The following PRDX1 variants were observed in gnomAD, a reference collection of about 807,000 sequenced individuals.
The protein encoded by PRDX1 is peroxiredoxin-1.
Under a neutral mutation model 20.7 loss-of-function variants are expected in PRDX1, and 19 were observed. The observed-to-expected ratio is 0.92, with a 90% CI of 0.64 to 1.35. PRDX1 has a LOEUF of 1.35. Ranked by LOEUF, PRDX1 falls within the 40% of genes most tolerant of loss-of-function variation. PRDX1 has a pLI of 0.00. For missense variants in PRDX1, 226 were observed against 240.0 expected, an observed-to-expected ratio of 0.94 and a Z score of 0.38; for synonymous variants, 89 against 83.9, an observed-to-expected ratio of 1.06 and a Z score of -0.33.
At chr1:45,519,509 A>C (rs1643889341) in intron 1 of PRDX1, among the ~76,000 whole-genome samples, 1 of 152,234 alleles carries the variant, frequency 6.6e-6, no homozygotes, top group Admixed American at 6.5e-5. Context: ...CCTTCATAAC[A>C]TCAGAAGCAT....
At chr1:45,516,848 A>C (rs538103310) in intron 2 of PRDX1, among the ~76,000 whole-genome samples, 5 of 151,936 alleles carry the variant, frequency 3.3e-5, no homozygotes, top group African/African-American at 1.2e-4. Context: ...ATGGTAAAAC[A>C]TGTCTCTACT....
intron 4 of PRDX1, 112 bp downstream of exon 4, chr1:45,514,761 G>A (rs542398320): frequency 6.4e-7 from 1 of 1,565,894 alleles, no homozygotes; most frequent in African/African-American, 1.4e-5. Context: ...GCCTTAGTGA[G>A]GAGGCCCCTG....
Position 45,514,554 on chromosome 1 carries a change from G to A in PRDX1, c.467C>T (p.Thr156Ile), listed in dbSNP as rs963576435. Residue 156 changes from threonine (T) to isoleucine (I), a missense_variant, in exon 5 of 6, where the codon ACT becomes ATT. Physicochemically the swap from Thr to Ile is moderately conservative, Grantham distance 89. Transcript: ENST00000319248. ...CTGGAAGGCCTGAACTAGTCTCAAA[G>A]TCTCATCCACAGAGCGGCCAACAGG... Reference protein sequence around the residue: ...DLPVGRSVDETLRLVQAFQFT... With the variant: ...DLPVGRSVDEILRLVQAFQFT... 1 of 1,614,012 alleles carries A rather than the reference G, an allele frequency of 6.2e-7. No individual in the cohort carries two copies.
At chr1:45,518,418 G>T (rs1401641413) in intron 2 of PRDX1, among the ~76,000 whole-genome samples, 1 of 126,772 alleles carries the variant, frequency 7.9e-6, no homozygotes, top group African/African-American at 3.1e-5. Context: ...GGTGAGCCGA[G>T]ATCACGCCAT....
Position 45,511,370 on chromosome 1 carries a change from C to A in PRDX1, c.559G>T (p.Asp187Tyr). ...AAATATTCTTTGCTCTTTTGGACAT[C>A]AGGCTTGATGGTATCACTGCCAGGT... ...WKPGSDTIKP[D>Y]VQKSKEYFSK... The change falls in exon 6 of 6, where the codon GAT becomes TAT. Residue 187 changes from aspartate (D) to tyrosine (Y), a missense_variant. Asp to Tyr is a radical substitution (Grantham distance 160, BLOSUM62 -3). Coordinates refer to ENST00000319248, the MANE Select transcript of PRDX1 (RefSeq NM_181697.3). 3 of 1,613,182 alleles carry A rather than the reference C, an allele frequency of 1.9e-6. No homozygotes were observed. The highest frequency in any genetic ancestry group is 1.7e-6 in the Non-Finnish European group (2 of 1,179,670).
At chr1:45,519,092 T>C (rs1479206538) in intron 1 of PRDX1, 38 bp from the exon 2 acceptor site, 1 of 1,429,586 alleles carries the variant, frequency 7.0e-7, no homozygotes, top group Non-Finnish European at 9.7e-7. Context: ...CAAGCCTTAA[T>C]TTTCTACATA....
Position 45,514,899 on chromosome 1 carries a change from T to C in PRDX1, c.357A>G (p.Leu119=). The C allele has an allele frequency of 6.2e-7, 1 of 1,614,186 alleles. No homozygotes were observed. Among genetic ancestry groups the C allele is most frequent in the South Asian group, 1.1e-5 (1 of 91,084 alleles). Residue 119 remains leucine, a synonymous_variant, in exon 4 of 6, where the codon TTA becomes TTG. Coordinates refer to ENST00000319248, the MANE Select transcript of PRDX1 (RefSeq NM_181697.3). ...TGAACGAGATGCCTTCATCAGCCTTTAAGACCCCATAATCCTGAGCAATGG... is the reference window on the plus strand; with the variant it reads ...TGAACGAGATGCCTTCATCAGCCTTCAAGACCCCATAATCCTGAGCAATGG... ...KRTIAQDYGV[L]KADEGISFRG... is the part of the protein sequence containing the mutation.
At position 45,515,009 on chromosome 1, in the gene PRDX1, C is replaced by CA; in HGVS notation, c.261-15dup. On this transcript the variant is annotated splice_polypyrimidine_tract_variant and intron_variant, in intron 3 of 5. Coordinates refer to ENST00000319248, the MANE Select transcript of PRDX1 (RefSeq NM_181697.3). ...GGTGTATTGACCCTATGGCAAAAGGCAAACATACAGTTACATTCAAACTCT... is the reference window on the plus strand; with the variant it reads ...GGTGTATTGACCCTATGGCAAAAGGCAAAACATACAGTTACATTCAAACTCT... 6.2e-7 allele frequency: 1 copy of CA among 1,613,672 alleles called. No individual in the cohort carries two copies. The highest frequency in any genetic ancestry group is 8.5e-7 in the Non-Finnish European group (1 of 1,179,826).
At chr1:45,516,805 T>C (rs886974992) in intron 2 of PRDX1, among the ~76,000 whole-genome samples, 3 of 152,000 alleles carry the variant, frequency 2.0e-5, no homozygotes, top group African/African-American at 7.2e-5. Flanking sequence ...GTGGATCACC[T>C]GAGGTCAGGA....
chr1:45,519,665 G>A (rs1006064324), intron 1 of PRDX1, among the ~76,000 whole-genome samples: 3 of 152,044 alleles, frequency 2.0e-5, no homozygotes, highest in Admixed American at 6.5e-5. Context: ...GCATTATCTC[G>A]GCTCACTGCA....
chr1:45,512,069 CTTTTTTTTTTTTTTTTT>C lies in PRDX1; in HGVS notation c.515-672_515-656del. 6 of 66,922 alleles carry C rather than the reference CTTTTTTTTTTTTTTTTT, an allele frequency of 9.0e-5. 1 individual carries two copies. The Middle Eastern group carries it at 0.071, about 797-fold the overall frequency. The allele number at this position is 66,922 out of a possible 1,614,324, so 4.1% of individuals were successfully genotyped here. On this transcript the variant is annotated intron_variant, in intron 5 of 5. Transcript: ENST00000319248. ...GCAAGGGGACTAATCTCTTATTTTT[CTTTTTTTTTTTTTTTTT>C]TTTTTTTTTTGAGATGGAGTCTCCC...
In PRDX1 at chr1:45,514,991, T is replaced by A. The variant is rs565457695; in HGVS notation, c.265A>T (p.Asn89Tyr). 2.5e-6 allele frequency: 4 copies of A among 1,614,186 alleles called. No individual in the cohort carries two copies. In the South Asian group the frequency reaches 4.4e-5, roughly 18 times the overall value. Residue 89 changes from asparagine (N) to tyrosine (Y), a missense_variant, in exon 4 of 6, where the codon AAT (asparagine) becomes TAT (tyrosine). Transcript: ENST00000319248. ...DSHFCHLAWV[N>Y]TPKKQGGLGP... The stretch of plus-strand genomic sequence containing the variant: ...AGTCCTCCTTGTTTCTTAGGTGTAT[T>A]GACCCTATGGCAAAAGGCAAACATA...
chr1:45,520,252 A>T (rs1259120947), intron 1 of PRDX1, among the ~76,000 whole-genome samples: 1 of 150,178 alleles, frequency 6.7e-6, no homozygotes, highest in Non-Finnish European at 1.5e-5. Context: ...ATTGATTGGC[A>T]TCTGCTTAAT....
intron 1 of PRDX1, among the ~76,000 whole-genome samples, chr1:45,519,969 G>A (rs1643893326): frequency 6.6e-6 from 1 of 152,170 alleles, no homozygotes; most frequent in Admixed American, 6.5e-5. Context: ...CACTTTGAGA[G>A]GCTCAGGCGG....
intron 5 of PRDX1, chr1:45,511,618 T>G (rs920955354): frequency 2.4e-6 from 1 of 408,656 alleles, no homozygotes; most frequent in Admixed American, 4.3e-5. Flanking sequence ...GATACTATCA[T>G]GCCTAATTTA....
chr1:45,515,671 G>A lies in PRDX1; in HGVS notation c.243C>T (p.His81=), dbSNP rs1487938197. ...CQVIGASVDS[H]FCHLAWVNTP... is the part of the protein sequence containing the mutation. Reference sequence around the variant, plus strand: ...AGATTTACCATGCTAGATGACAGAAGTGAGAATCCACAGAAGCACCAATCA... The same window carrying A: ...AGATTTACCATGCTAGATGACAGAAATGAGAATCCACAGAAGCACCAATCA... The change falls in exon 3 of 6, where the codon CAC becomes CAT. Residue 81 remains histidine, a synonymous_variant. Transcript: ENST00000319248. The A allele has an allele frequency of 7.6e-6, 12 of 1,587,524 alleles. No homozygotes were observed. The East Asian group carries it at 2.8e-4, about 37-fold the overall frequency.
At chr1:45,520,710 C>A (rs1224833977) in intron 1 of PRDX1, among the ~76,000 whole-genome samples, 12 of 126,274 alleles carry the variant, frequency 9.5e-5, no homozygotes, top group Admixed American at 2.0e-4. Context: ...GGCGACAGAG[C>A]GAGACTCCGT....
intron 5 of PRDX1, among the ~76,000 whole-genome samples, 173 bp downstream of exon 5, chr1:45,514,334 T>C (rs1643818127): frequency 1.3e-5 from 2 of 152,254 alleles, no homozygotes; most frequent in South Asian, 2.1e-4. Flanking sequence ...CGGGATCCTC[T>C]GTATGCTGAA....
chr1:45,517,798 A>C (rs1257525427), intron 2 of PRDX1, among the ~76,000 whole-genome samples: 1 of 149,638 alleles, frequency 6.7e-6, no homozygotes, highest in Non-Finnish European at 1.5e-5. Context: ...AAAAAAAAAA[A>C]AAAAAACTAT....
Sources: allele counts gnomAD v4.1 joint callset (sites outside exome capture counted in the v4.1 genomes callset), GRCh38; gene constraint gnomAD v4.1.1; transcripts MANE v1.5; gene names NCBI Gene and HGNC (gene_info 2026-07-23, HGNC 2026-07-21).